The following NDUFA5 variants were observed in gnomAD, a reference collection of about 807,000 sequenced individuals.
The protein encoded by NDUFA5 is NADH:ubiquinone oxidoreductase subunit A5, also known as NADH dehydrogenase [ubiquinone] 1 alpha subcomplex subunit 5.
In NDUFA5, 11 loss-of-function variants were observed where a neutral mutation model predicts 19.8. That is an observed-to-expected ratio of 0.56 (90% CI 0.35 to 0.92). The LOEUF (loss-of-function observed/expected upper bound fraction) is 0.92, where lower values mean the gene tolerates loss of function less well. Among genes scored for constraint, NDUFA5 ranks in the 40% least tolerant of loss-of-function variants. The pLI is 0.01. For missense variants in NDUFA5, 109 were observed against 134.2 expected, an observed-to-expected ratio of 0.81 and a Z score of 0.93; for synonymous variants, 47 against 46.8, an observed-to-expected ratio of 1.00 and a Z score of -0.01.
At chr7:123,571,304 C>T in the NDUFA5 span, among the ~76,000 whole-genome samples, 3 of 152,124 alleles carry the variant, frequency 2.0e-5, no homozygotes, top group Non-Finnish European at 4.4e-5. Context: ...TTTCGTTGTA[C>T]TGTGGTTTTT....
In NDUFA5 at chr7:123,537,678, G is replaced by C. The variant is rs982950230; in HGVS notation, c.*4441C>G. ...CAAATAGCCTCATGTAATTCAGGTG[G>C]GGTTTGTTGCCAAATGAGTTATGAA... On this transcript the variant is annotated 3_prime_UTR_variant, in exon 5 of 5. Transcript: ENST00000355749. The C allele has an allele frequency of 6.6e-6, 1 of 152,050 alleles. No homozygotes were observed. Among genetic ancestry groups the C allele is most frequent in the Non-Finnish European group, 1.5e-5 (1 of 68,004 alleles). 9.4% of individuals were successfully genotyped at this position (152,050 alleles called of 1,614,324 possible). A position where few individuals can be genotyped will look rare whatever the true frequency, so the allele number is the denominator to read the frequency against.
chr7:123,592,266 T>A, the NDUFA5 span, among the ~76,000 whole-genome samples: 1 of 152,164 alleles, frequency 6.6e-6, no homozygotes, highest in Non-Finnish European at 1.5e-5. Flanking sequence ...ATTCATTGAT[T>A]TTTTGTGTCT....
the NDUFA5 span, among the ~76,000 whole-genome samples, chr7:123,587,152 T>A: frequency 6.6e-6 from 1 of 151,628 alleles, no homozygotes; most frequent in Non-Finnish European, 1.5e-5. Context: ...GTAGATCACT[T>A]TGTAGTGTGA....
At chr7:123,578,244 T>A in the NDUFA5 span, among the ~76,000 whole-genome samples, 2 of 151,110 alleles carry the variant, frequency 1.3e-5, no homozygotes, top group Non-Finnish European at 2.9e-5. Context: ...TGATATTTTG[T>A]ATCAGTTGGA....
At chr7:123,583,542 C>A in the NDUFA5 span, among the ~76,000 whole-genome samples, 1 of 151,944 alleles carries the variant, frequency 6.6e-6, no homozygotes, top group Non-Finnish European at 1.5e-5. Context: ...ATATGACATT[C>A]TCTTTATTCT....
At chr7:123,560,323 TA>T, upstream of NDUFA5, among the ~76,000 whole-genome samples, 1 of 152,352 alleles carries the variant, frequency 6.6e-6, no homozygotes, top group East Asian at 1.9e-4. Context: ...TTGGAAATAT[TA>T]GCTAAGGGAA....
At chr7:123,557,580 C>T (rs1798608376) in intron 1 of NDUFA5, 132 bp from the exon 2 acceptor site, 1 of 1,612,722 alleles carries the variant, frequency 6.2e-7, no homozygotes, top group South Asian at 1.1e-5. Context: ...CTCAGTCTCG[C>T]TTGTTTGGAG....
At chr7:123,557,626 T>C in intron 1 of NDUFA5, 149 bp downstream of exon 1, 1 of 1,613,594 alleles carries the variant, frequency 6.2e-7, no homozygotes, top group South Asian at 1.1e-5. Flanking sequence ...ACCACTAACC[T>C]GCCCTACCCG....
At chr7:123,579,145 T>C in the NDUFA5 span, among the ~76,000 whole-genome samples, 13 of 152,064 alleles carry the variant, frequency 8.5e-5, no homozygotes, top group African/African-American at 3.1e-4. Context: ...CCTACAAATA[T>C]GCAGTACTTG....
the NDUFA5 span, among the ~76,000 whole-genome samples, chr7:123,598,051 G>A: frequency 6.6e-6 from 1 of 151,018 alleles, no homozygotes; most frequent in East Asian, 2.0e-4. Context: ...TTTGGGACTA[G>A]AACCACATGT....
the NDUFA5 span, among the ~76,000 whole-genome samples, chr7:123,583,865 T>C: frequency 6.6e-6 from 1 of 151,858 alleles, no homozygotes; most frequent in African/African-American, 2.4e-5. Context: ...AAACCAAACC[T>C]AAAGTTTGCC....
the NDUFA5 span, among the ~76,000 whole-genome samples, chr7:123,600,432 T>A: frequency 2.0e-5 from 3 of 152,178 alleles, no homozygotes; most frequent in African/African-American, 7.2e-5. Context: ...CACTTTAAAG[T>A]GTTAGGTGCA....
In NDUFA5 at chr7:123,538,776, T is replaced by C. The variant is rs1268347534; in HGVS notation, c.*3343A>G. 1.3e-5 allele frequency: 2 copies of C among 152,188 alleles called. No individual in the cohort carries two copies. Among genetic ancestry groups the C allele is most frequent in the Non-Finnish European group, 2.9e-5 (2 of 68,022 alleles). The allele number at this position is 152,188 out of a possible 1,614,324, so 9.4% of individuals were successfully genotyped here. On this transcript the variant is annotated 3_prime_UTR_variant, in exon 5 of 5. Coordinates refer to ENST00000355749, the MANE Select transcript of NDUFA5 (RefSeq NM_005000.5). ...TTCAGCAATTTGGTACTTAATCCCA[T>C]ACCCCACAATACACTTGTGTAGGGT... is the stretch of plus-strand genomic sequence containing the variant.
chr7:123,600,837 G>A, the NDUFA5 span, among the ~76,000 whole-genome samples: 1 of 152,126 alleles, frequency 6.6e-6, no homozygotes, highest in Non-Finnish European at 1.5e-5. Flanking sequence ...CATTAACACT[G>A]AGTACAAAGA....
the NDUFA5 span, among the ~76,000 whole-genome samples, chr7:123,565,788 G>C: frequency 2.0e-5 from 3 of 152,272 alleles, no homozygotes; most frequent in East Asian, 5.8e-4. Context: ...AGGCCAAGGC[G>C]GGTGGATTTC....
intron 4 of NDUFA5, among the ~76,000 whole-genome samples, chr7:123,543,723 A>G (rs1798024261): frequency 6.6e-6 from 1 of 152,242 alleles, no homozygotes; most frequent in Non-Finnish European, 1.5e-5. Flanking sequence ...TGATGTATCA[A>G]CTAAATAAAG....
the NDUFA5 span, among the ~76,000 whole-genome samples, chr7:123,570,029 C>CTTTTTTT: frequency 1.1e-5 from 1 of 88,176 alleles, no homozygotes; most frequent in Non-Finnish European, 2.1e-5. Context: ...ACTGCCATAG[C>CTTTTTTT]TTTTTTTTTT....
chr7:123,570,029 C>CTTTT, the NDUFA5 span, among the ~76,000 whole-genome samples: 8 of 88,198 alleles, frequency 9.1e-5, no homozygotes, highest in East Asian at 3.6e-4. Context: ...ACTGCCATAG[C>CTTTT]TTTTTTTTTT....
At chr7:123,547,785 G>A (rs979654842) in intron 3 of NDUFA5, among the ~76,000 whole-genome samples, 5 of 152,094 alleles carry the variant, frequency 3.3e-5, no homozygotes, top group East Asian at 1.9e-4. Flanking sequence ...TTGTCTTACC[G>A]ATAGTGAATA....
Sources: gnomAD v4.1 joint callset for allele counts (sites outside exome capture counted in the v4.1 genomes callset) on GRCh38, gnomAD v4.1.1 for gene constraint, MANE v1.5 for transcripts, NCBI Gene and HGNC (gene_info 2026-07-23, HGNC 2026-07-21) for gene names.